The following RAP1GAP2 variants were observed in gnomAD, a reference collection of about 807,000 sequenced individuals.
RAP1GAP2 encodes rap1 GTPase-activating protein 2.
Under a neutral mutation model 95.0 loss-of-function variants are expected in RAP1GAP2, and 27 were observed. The observed-to-expected ratio is 0.28, with a 90% CI of 0.21 to 0.39. The LOEUF (loss-of-function observed/expected upper bound fraction) is 0.39, where lower values mean the gene tolerates loss of function less well. Ranked by LOEUF, RAP1GAP2 falls within the 10% of genes least tolerant of loss-of-function variation. The probability of loss-of-function intolerance (pLI) is 1.00; values close to 1 mark genes in which losing one functional copy is unlikely to be tolerated. For synonymous variants in RAP1GAP2, 373 were observed against 380.9 expected (o/e 0.98, Z 0.24); for missense variants, 771 against 970.0 (o/e 0.79, Z 2.72).
At chr17:2,816,237 T>G (rs1286566493) in intron 2 of RAP1GAP2, among the ~76,000 whole-genome samples, 2 of 132,344 alleles carry the variant, frequency 1.5e-5, no homozygotes, top group Non-Finnish European at 1.7e-5. Context: ...TTTTGTTTTG[T>G]TTTTTTTTTT....
At chr17:2,769,382 C>T (rs747214867) in intron 1 of RAP1GAP2, among the ~76,000 whole-genome samples, 5 of 150,886 alleles carry the variant, frequency 3.3e-5, no homozygotes, top group East Asian at 3.9e-4. Flanking sequence ...GGTGAAACCC[C>T]GTCTGTACTA....
At chr17:2,964,215 A>T in intron 7 of RAP1GAP2, 147 bp downstream of exon 7, 2 of 312,682 alleles carry the variant, frequency 6.4e-6, no homozygotes, top group Non-Finnish European at 1.0e-5. Flanking sequence ...GGTGGGGGTG[A>T]GGCTGGGAGA....
intron 8 of RAP1GAP2, among the ~76,000 whole-genome samples, chr17:2,968,849 G>T (rs947976682): frequency 6.6e-6 from 1 of 151,912 alleles, no homozygotes; most frequent in African/African-American, 2.4e-5. Context: ...AATTAGAAAA[G>T]TCAAATACAA....
intron 17 of RAP1GAP2, among the ~76,000 whole-genome samples, chr17:3,015,581 G>A (rs369386521): frequency 7.2e-5 from 11 of 152,292 alleles, no homozygotes; most frequent in East Asian, 5.8e-4. Flanking sequence ...CACTTTGGGA[G>A]GCTGAGGCAG....
At chr17:2,824,863 G>C (rs1396310392) in intron 2 of RAP1GAP2, among the ~76,000 whole-genome samples, 8 of 151,930 alleles carry the variant, frequency 5.3e-5, no homozygotes, top group African/African-American at 1.7e-4. Flanking sequence ...GTGGTGGTTC[G>C]AAAGGAAGCA....
intron 2 of RAP1GAP2, among the ~76,000 whole-genome samples, chr17:2,822,239 T>G (rs9895126): frequency 0.19 from 29,029 of 151,940 alleles, 4,264 homozygotes; most frequent in African/African-American, 0.42. Context: ...GTCACCCAGG[T>G]TCACACATAC....
At chr17:2,779,744 G>A (rs868378904) in intron 1 of RAP1GAP2, among the ~76,000 whole-genome samples, 1 of 147,968 alleles carries the variant, frequency 6.8e-6, no homozygotes, top group Non-Finnish European at 1.5e-5. Flanking sequence ...GCTGGCATAC[G>A]GTCATGGGCA....
intron 2 of RAP1GAP2, among the ~76,000 whole-genome samples, chr17:2,854,978 G>T (rs538685757): frequency 6.6e-6 from 1 of 152,288 alleles, no homozygotes; most frequent in Admixed American, 6.5e-5. Context: ...AGTTTCCAGA[G>T]GAGTTTTGGA....
chr17:2,927,365 G>A (rs182904781), intron 3 of RAP1GAP2, among the ~76,000 whole-genome samples: 3,694 of 152,230 alleles, frequency 0.024, 66 homozygotes, highest in Non-Finnish European at 0.036. Context: ...GTGTTAGCCA[G>A]GATGGTCTCG....
At chr17:2,893,097 G>A (rs1423969924) in intron 2 of RAP1GAP2, among the ~76,000 whole-genome samples, 6 of 151,344 alleles carry the variant, frequency 4.0e-5, no homozygotes, top group Non-Finnish European at 8.8e-5. Context: ...GCGTGATCTT[G>A]GCTCACTGCA....
chr17:2,936,622 A>C (rs2043319538), intron 3 of RAP1GAP2, among the ~76,000 whole-genome samples: 1 of 152,050 alleles, frequency 6.6e-6, no homozygotes. Context: ...AAAATGGATG[A>C]TCATGAGGGT....
chr17:2,860,159 G>A (rs1005424815), intron 2 of RAP1GAP2, among the ~76,000 whole-genome samples: 1 of 152,106 alleles, frequency 6.6e-6, no homozygotes, highest in Admixed American at 6.6e-5. Context: ...GAGCTGGAAG[G>A]GGCATGAGAC....
At chr17:2,868,465 T>G (rs771271069) in intron 2 of RAP1GAP2, among the ~76,000 whole-genome samples, 24 of 152,124 alleles carry the variant, frequency 1.6e-4, no homozygotes, top group Non-Finnish European at 2.5e-4. Context: ...AATGAAAGTC[T>G]TTTATGTGTG....
At chr17:3,032,100 T>C (rs949371036) in intron 23 of RAP1GAP2, among the ~76,000 whole-genome samples, 3 of 134,492 alleles carry the variant, frequency 2.2e-5, no homozygotes, top group South Asian at 5.3e-4. Flanking sequence ...GAGCTCCAGG[T>C]CCAGATGTGA....
rs908028979 is a variant in RAP1GAP2 at position 2,769,611 on chromosome 17, AAG to A, written c.51-716_51-715del. Among the ~76,000 whole-genome samples the A allele has an allele frequency of 1.6e-4, 24 of 152,122 alleles. No individual in the cohort carries two copies. The South Asian group carries it at 3.3e-3, about 21-fold the overall frequency. On this transcript the variant is annotated intron_variant, in intron 1 of 25. Transcript: ENST00000637138. ...TAAAATAAAATAAAATAAAATAAAA[AAG>A]AAAAAATAAGTCCAATGTCTTAGCC...
intron 13 of RAP1GAP2, among the ~76,000 whole-genome samples, chr17:2,997,929 A>AAAAAAAAAG (rs1555594591): frequency 6.6e-6 from 1 of 151,558 alleles, no homozygotes; most frequent in African/African-American, 2.4e-5. Context: ...TCTCAAAAAA[A>AAAAAAAAAG]AAAAAAAAAG....
intron 4 of RAP1GAP2, among the ~76,000 whole-genome samples, chr17:2,959,619 C>G (rs2044238409): frequency 6.6e-6 from 1 of 152,206 alleles, no homozygotes; most frequent in East Asian, 1.9e-4. Flanking sequence ...GCCCGGGTCA[C>G]TTAGCTAGTT....
intron 3 of RAP1GAP2, among the ~76,000 whole-genome samples, 160 bp downstream of exon 3, chr17:2,905,528 G>T (rs944784341): frequency 2.0e-5 from 3 of 152,224 alleles, no homozygotes; most frequent in Non-Finnish European, 4.4e-5. Flanking sequence ...GCACCAGTGC[G>T]GGGGAAGCAT....
intron 3 of RAP1GAP2, among the ~76,000 whole-genome samples, chr17:2,933,231 T>C (rs998400): frequency 0.87 from 132,383 of 152,232 alleles, 57,805 homozygotes; most frequent in Non-Finnish European, 0.91. Context: ...GAGACCACTG[T>C]GGAGTGAGGG....
Sources: allele counts gnomAD v4.1 joint callset (sites outside exome capture counted in the v4.1 genomes callset), GRCh38; gene constraint gnomAD v4.1.1; transcripts MANE v1.5; gene names NCBI Gene and HGNC (gene_info 2026-07-23, HGNC 2026-07-21).